The following CUX1 variants were observed in gnomAD, a reference collection of about 807,000 sequenced individuals.
CUX1 encodes the protein protein CASP.
Under a neutral mutation model 158.8 loss-of-function variants are expected in CUX1, and 31 were observed. The observed-to-expected ratio is 0.20, with a 90% CI of 0.15 to 0.26. The LOEUF (loss-of-function observed/expected upper bound fraction) is 0.26. Among genes scored for constraint, CUX1 ranks in the 10% least tolerant of loss-of-function variants. The pLI is 1.00. For missense variants in CUX1, 1,589 were observed against 2,014.6 expected, an observed-to-expected ratio of 0.79 and a Z score of 4.04; for synonymous variants, 879 against 862.1, an observed-to-expected ratio of 1.02 and a Z score of -0.34.
intron 3 of CUX1, among the ~76,000 whole-genome samples, chr7:102,041,666 A>ATTTT (rs1246831975): frequency 4.8e-5 from 5 of 104,922 alleles, no homozygotes; most frequent in African/African-American, 1.2e-4. Flanking sequence ...CTCCCTTTTG[A>ATTTT]TTTTTTTTTT....
intron 2 of CUX1, among the ~76,000 whole-genome samples, chr7:101,989,590 A>T (rs1280423713): frequency 6.6e-6 from 1 of 152,198 alleles, no homozygotes; most frequent in Non-Finnish European, 1.5e-5. Flanking sequence ...CGAAGACACC[A>T]TGGAGGTGGA....
intron 2 of CUX1, among the ~76,000 whole-genome samples, chr7:101,936,135 A>G (rs1213338707): frequency 6.6e-6 from 1 of 151,860 alleles, no homozygotes; most frequent in African/African-American, 2.4e-5. Context: ...GTTAAACTAC[A>G]GGGCAGGAAA....
intron 11 of CUX1, among the ~76,000 whole-genome samples, chr7:102,181,739 A>T (rs1554514062): frequency 6.6e-6 from 1 of 152,212 alleles, no homozygotes; most frequent in South Asian, 2.1e-4. Context: ...TTGTCCTGAT[A>T]CGAAACCCAC....
intron 2 of CUX1, among the ~76,000 whole-genome samples, chr7:101,946,860 G>A (rs1238699896): frequency 2.6e-5 from 4 of 152,126 alleles, no homozygotes; most frequent in East Asian, 3.9e-4. Context: ...TGCTGGGGAG[G>A]GCTCAGGGGA....
Position 101,914,368 on chromosome 7 carries a change from TTCCC to T in CUX1, c.31-1724_31-1721del, listed in dbSNP as rs573449815. Reference sequence around the variant, plus strand: ...CCTTCCTTCTTCCTTCCTTCCTTCCTTCCCTCCCTCCCTCCCTCCCTCCCTCTTT... The same window carrying T: ...CCTTCCTTCTTCCTTCCTTCCTTCCTTCCCTCCCTCCCTCCCTCCCTCTTT... On this transcript the variant is annotated intron_variant, in intron 1 of 23. Transcript: ENST00000292535. Among the ~76,000 whole-genome samples the T allele has an allele frequency of 3.3e-3, 421 of 126,572 alleles. 3 individuals carry two copies. The highest frequency in any genetic ancestry group is 7.8e-3 in the Middle Eastern group (2 of 256). 83.0% of individuals were successfully genotyped at this position (126,572 alleles called of 152,430 possible). A position where few individuals can be genotyped will look rare whatever the true frequency, so the allele number is the denominator to read the frequency against.
At position 102,040,443 on chromosome 7, in the gene CUX1, C is replaced by T. The variant is rs191574283; in HGVS notation, c.189+12298C>T. On this transcript the variant is annotated intron_variant, in intron 3 of 23. Coordinates refer to ENST00000292535, the MANE Select transcript of CUX1 (RefSeq NM_181552.4). ...TAGTAGGGCCCGGGTCATGCCAGGG[C>T]CTTGTAGGCAGAACCCTTAAGTCTC... 9.2e-5 allele frequency among the ~76,000 whole-genome samples: 14 copies of T among 152,280 alleles called. No homozygotes were observed. In the East Asian group the frequency reaches 2.1e-3, roughly 23 times the overall value.
chr7:101,929,714 C>G (rs1287668602), intron 2 of CUX1, among the ~76,000 whole-genome samples: 1 of 152,166 alleles, frequency 6.6e-6, no homozygotes, highest in Non-Finnish European at 1.5e-5. Flanking sequence ...AGCTAAGTAT[C>G]ATCGGTGCCA....
In CUX1 at chr7:102,282,693, C is replaced by T. The variant is rs201061807; in HGVS notation, c.1903-19C>T. On this transcript the variant is annotated intron_variant, in intron 21 of 22. Coordinates refer to the CUX1 transcript ENST00000292538. ...GCCTTGAGGCGAACGGGCAGCTCAC[C>T]GTGTCTCCACCTGGCCAGGTGCTCT... The T allele has an allele frequency of 1.7e-4, 276 of 1,611,248 alleles. 1 individual carries two copies. The African/African-American group carries it at 2.1e-3, about 12-fold the overall frequency.
chr7:102,088,294 A>G (rs1554481216), intron 4 of CUX1, among the ~76,000 whole-genome samples: 3 of 152,142 alleles, frequency 2.0e-5, no homozygotes. Flanking sequence ...CACCGCGTCC[A>G]GCCACCTTCA....
chr7:102,138,279 T>C (rs528314094), intron 8 of CUX1, among the ~76,000 whole-genome samples: 2 of 152,400 alleles, frequency 1.3e-5, no homozygotes, highest in African/African-American at 4.8e-5. Context: ...TTTATTTTTA[T>C]GGGTAAATTT....
Position 102,248,383 on chromosome 7 carries a change from T to C in CUX1, c.3888-29T>C. 6.4e-7 allele frequency: 1 copy of C among 1,557,402 alleles called. No homozygotes were observed. Among genetic ancestry groups the C allele is most frequent in the Non-Finnish European group, 8.6e-7 (1 of 1,158,042 alleles). On this transcript the variant is annotated intron_variant, in intron 23 of 23. Transcript: ENST00000292535. This position sits in a 1 kb window ranked among gnomAD's most constrained non-coding sequence, Gnocchi z 5.8. ...GGCCCTTTCCCCAGCAGCACCCCCC[T>C]CACGTCCCCGCCGCTTGTTGTCTTG... is the stretch of plus-strand genomic sequence containing the variant.
chr7:101,977,626 G>C (rs575567255), intron 2 of CUX1, among the ~76,000 whole-genome samples: 7 of 152,166 alleles, frequency 4.6e-5, no homozygotes, highest in African/African-American at 1.4e-4. Flanking sequence ...CTGGGCAACA[G>C]AGTGAAACCG....
At chr7:102,272,042 A>G (rs1431440606) in intron 14 of CUX1, among the ~76,000 whole-genome samples, 3 of 152,062 alleles carry the variant, frequency 2.0e-5, no homozygotes, top group African/African-American at 4.8e-5. Context: ...AATAAAATAA[A>G]TCCATTCGGG....
chr7:102,189,696 G>A (rs1318112151), intron 11 of CUX1, 117 bp from the exon 12 acceptor site: 24 of 1,098,598 alleles, frequency 2.2e-5, no homozygotes, highest in Middle Eastern at 5.1e-4. Context: ...GACTCCATTC[G>A]CAAGGGCTGG....
Position 102,248,672 on chromosome 7 carries a change from C to A in CUX1, c.4148C>A (p.Pro1383Gln). ...TEPPPSGTPG[P>Q]DDARDDDHEG... ...CCGCCGCCCTCGGGGACCCCGGGCC[C>A]GGACGACGCCCGCGACGACGACCAC... Residue 1383 changes from proline (P) to glutamine (Q), a missense_variant, in exon 24 of 24, where the codon CCG becomes CAG. Around this residue, in one of 8 missense-constraint regions of CUX1, gnomAD observed 344 missense variants for 323.7 expected, o/e 1.06. Transcript: ENST00000292535. The surrounding 1 kb of genome is among the most constrained non-coding windows in gnomAD (Gnocchi z 5.8). 1.5e-6 allele frequency: 2 copies of A among 1,314,174 alleles called. No individual in the cohort carries two copies. The highest frequency in any genetic ancestry group is 1.6e-5 in the South Asian group (1 of 61,218). 81.4% of individuals were successfully genotyped at this position (1,314,174 alleles called of 1,614,324 possible).
At chr7:102,074,280 G>A (rs1826456570) in intron 4 of CUX1, among the ~76,000 whole-genome samples, 1 of 152,208 alleles carries the variant, frequency 6.6e-6, no homozygotes, top group Non-Finnish European at 1.5e-5. Context: ...GGAAAAGGGA[G>A]GAAGCCCTTG....
intron 4 of CUX1, among the ~76,000 whole-genome samples, chr7:102,089,380 A>G (rs1175441416): frequency 6.6e-6 from 1 of 152,204 alleles, no homozygotes; most frequent in African/African-American, 2.4e-5. Context: ...TTTAGACATC[A>G]TGAGCTTTAA....
chr7:102,208,855 C>T (rs1341925493), intron 20 of CUX1, among the ~76,000 whole-genome samples: 2 of 152,200 alleles, frequency 1.3e-5, no homozygotes, highest in African/African-American at 2.4e-5. Context: ...ATTGCAAGCC[C>T]GGCTTGGCTT....
chr7:101,913,448 C>T (rs1306127475), intron 1 of CUX1: 17 of 1,226,064 alleles, frequency 1.4e-5, no homozygotes, highest in Non-Finnish European at 1.8e-5. Flanking sequence ...GGTGGGTTCA[C>T]CTTGCACCGG....
Sources: allele counts gnomAD v4.1 joint callset (sites outside exome capture counted in the v4.1 genomes callset), GRCh38; gene constraint gnomAD v4.1.1; regional missense constraint gnomAD v4.1.1; non-coding constraint Gnocchi (gnomAD v3.1); transcripts MANE v1.5; gene names NCBI Gene and HGNC (gene_info 2026-07-23, HGNC 2026-07-21).